The following SYT10 variants were observed in gnomAD, a reference collection of about 807,000 sequenced individuals.
SYT10 encodes synaptotagmin 10, also known as synaptotagmin-10.
SYT10 carries 31 observed loss-of-function variants against 51.1 expected under a neutral mutation model. That is an observed-to-expected ratio of 0.61 (90% CI 0.46 to 0.82). The LOEUF is 0.82. SYT10 is among the 40% of genes least tolerant of loss of function. The pLI, the probability that SYT10 is intolerant of heterozygous loss-of-function variation, is 0.00. For missense variants in SYT10, 603 were observed against 634.0 expected, an observed-to-expected ratio of 0.95 and a Z score of 0.53; for synonymous variants, 233 against 225.9, an observed-to-expected ratio of 1.03 and a Z score of -0.28.
intron 1 of SYT10, among the ~76,000 whole-genome samples, chr12:33,434,941 C>T (rs959503010): frequency 1.3e-5 from 2 of 152,092 alleles, no homozygotes; most frequent in Non-Finnish European, 2.9e-5. Context: ...ATGTGTACAA[C>T]GTTAGTGGAA....
intron 2 of SYT10, among the ~76,000 whole-genome samples, chr12:33,416,015 A>G (rs910742523): frequency 2.6e-5 from 4 of 152,036 alleles, no homozygotes; most frequent in Non-Finnish European, 5.9e-5. Flanking sequence ...CATGGCCCTT[A>G]TTCCACCAGC....
chr12:33,382,265 G>C, intron 5 of SYT10, 84 bp downstream of exon 5: 1 of 1,176,472 alleles, frequency 8.5e-7, no homozygotes, highest in Non-Finnish European at 1.1e-6. Context: ...AAACTGTTGT[G>C]GCAGTAAATG....
intron 1 of SYT10, among the ~76,000 whole-genome samples, chr12:33,433,169 G>T (rs909045610): frequency 6.6e-6 from 1 of 152,118 alleles, no homozygotes; most frequent in African/African-American, 2.4e-5. Flanking sequence ...ACCAACAGAG[G>T]AAATTGGCAT....
chr12:33,439,381 T>C lies in SYT10; in HGVS notation c.142A>G (p.Ser48Gly). 6.2e-7 allele frequency: 1 copy of C among 1,613,450 alleles called. No homozygotes were observed. Among genetic ancestry groups the C allele is most frequent in the Non-Finnish European group, 8.5e-7 (1 of 1,179,854 alleles). Reference protein sequence around the residue: ...FPRDRGSQGGSSTDISVSLLA... With the variant: ...FPRDRGSQGGGSTDISVSLLA... Reference sequence around the variant, plus strand: ...GAGCCCTCCCGGTTACCTGTGCTGCTTCCGCCCTGGCTGCCCCTGTCCCGA... The same window carrying C: ...GAGCCCTCCCGGTTACCTGTGCTGCCTCCGCCCTGGCTGCCCCTGTCCCGA... Residue 48 changes from serine to glycine, a missense_variant, in exon 1 of 7, where the codon AGC becomes GGC. Ser to Gly is a moderately conservative substitution (Grantham distance 56). Coordinates refer to ENST00000228567, the MANE Select transcript of SYT10 (RefSeq NM_198992.4).
chr12:33,432,134 T>C (rs1204371978), intron 1 of SYT10, among the ~76,000 whole-genome samples: 1 of 152,116 alleles, frequency 6.6e-6, no homozygotes, highest in African/African-American at 2.4e-5. Context: ...TCTTTAAAAG[T>C]CTAAGTTTTA....
chr12:33,439,321 G>T lies in SYT10; in HGVS notation c.151+51C>A, dbSNP rs760568546. Reference sequence around the variant, plus strand: ...AGAACCCCGGAGCTTGCAGCCTAGCGCGCGGGGTCCCAGCGGAGCGCGAGG... The same window carrying T: ...AGAACCCCGGAGCTTGCAGCCTAGCTCGCGGGGTCCCAGCGGAGCGCGAGG... On this transcript the variant is annotated intron_variant, in intron 1 of 6. Transcript: ENST00000228567. 1.3e-5 allele frequency: 21 copies of T among 1,571,762 alleles called. No individual in the cohort carries two copies. The Admixed American group carries it at 3.8e-4, about 28-fold the overall frequency.
At position 33,376,632 on chromosome 12, in the gene SYT10, G is replaced by T. The variant is rs113367840; in HGVS notation, c.*198C>A. ...GGATAAAATGCCTTATGCAACTAAG[G>T]ACTATATGTATTCAAGTAAAATGTA... On this transcript the variant is annotated 3_prime_UTR_variant, in exon 7 of 7. Transcript: ENST00000228567. The T allele has an allele frequency of 3.3e-6, 2 of 600,514 alleles. No individual in the cohort carries two copies. Among genetic ancestry groups the T allele is most frequent in the Non-Finnish European group, 5.8e-6 (2 of 343,658 alleles). The allele number at this position is 600,514 out of a possible 1,614,324, so 37.2% of individuals were successfully genotyped here. A position where few individuals can be genotyped will look rare whatever the true frequency, so the allele number is the denominator to read the frequency against.
chr12:33,433,609 AT>A (rs1304292049), intron 1 of SYT10, among the ~76,000 whole-genome samples: 1 of 152,214 alleles, frequency 6.6e-6, no homozygotes, highest in Non-Finnish European at 1.5e-5. Context: ...TTGGCCAAGA[AT>A]ATGTAAACAC....
Position 33,407,012 on chromosome 12 carries a change from G to C in SYT10, c.854C>G (p.Thr285Ser). The change falls in exon 3 of 7, where the codon ACC becomes AGC. Residue 285 changes from threonine to serine, a missense_variant. Thr to Ser is a moderately conservative substitution (Grantham distance 58). Transcript: ENST00000228567. ...ATTTAAAGTCTTTCTGTGCACGCGG[G>C]TCTGAAATTTCTTTTTCCTATCTGG... ...LLPDRKKKFQ[T>S]RVHRKTLNPL... is the part of the protein sequence containing the mutation. The C allele has an allele frequency of 6.2e-7, 1 of 1,614,100 alleles. No homozygotes were observed. Among genetic ancestry groups the C allele is most frequent in the Non-Finnish European group, 8.5e-7 (1 of 1,180,004 alleles).
At chr12:33,436,611 T>C (rs943711913) in intron 1 of SYT10, among the ~76,000 whole-genome samples, 3 of 152,160 alleles carry the variant, frequency 2.0e-5, no homozygotes, top group Admixed American at 6.5e-5. Context: ...ACTGCTGATA[T>C]GGTAAAAATA....
chr12:33,401,776 A>G (rs1050650309), intron 3 of SYT10, among the ~76,000 whole-genome samples: 10 of 151,952 alleles, frequency 6.6e-5, no homozygotes, highest in Admixed American at 2.0e-4. Context: ...GTAGTGGTAG[A>G]TCTGTATTTA....
chr12:33,438,341 A>G (rs1233072811), intron 1 of SYT10, among the ~76,000 whole-genome samples: 2 of 152,144 alleles, frequency 1.3e-5, no homozygotes, highest in Admixed American at 6.5e-5. Flanking sequence ...AAAATCCCCA[A>G]AGCAGTGTTT....
At chr12:33,409,068 T>A (rs777457910) in intron 2 of SYT10, among the ~76,000 whole-genome samples, 31 of 152,018 alleles carry the variant, frequency 2.0e-4, no homozygotes, top group Admixed American at 3.3e-4. Context: ...TTATACTTAA[T>A]ACCCAGTCAG....
chr12:33,437,838 A>G (rs1448581848), intron 1 of SYT10, among the ~76,000 whole-genome samples: 1 of 152,114 alleles, frequency 6.6e-6, no homozygotes, highest in East Asian at 1.9e-4. Flanking sequence ...CACAGAATAC[A>G]ACATGCTCAC....
At chr12:33,439,257 G>A (rs1866663427) in intron 1 of SYT10, 115 bp downstream of exon 1, 2 of 1,341,050 alleles carry the variant, frequency 1.5e-6, no homozygotes. Context: ...AGGAAAGCGT[G>A]GCGCCCCAAA....
At chr12:33,422,506 A>G (rs1233110792) in intron 2 of SYT10, among the ~76,000 whole-genome samples, 1 of 152,022 alleles carries the variant, frequency 6.6e-6, no homozygotes, top group Non-Finnish European at 1.5e-5. Flanking sequence ...TTTTTTTTTG[A>G]CAAGAGAGAC....
chr12:33,389,181 G>C (rs1447824076), intron 3 of SYT10, among the ~76,000 whole-genome samples: 2 of 152,256 alleles, frequency 1.3e-5, no homozygotes, highest in South Asian at 4.1e-4. Context: ...AGGAGAGTTA[G>C]GCTTGATGTA....
intron 2 of SYT10, among the ~76,000 whole-genome samples, chr12:33,415,264 T>G (rs574159309): frequency 6.6e-6 from 1 of 152,188 alleles, no homozygotes; most frequent in Non-Finnish European, 1.5e-5. Context: ...CTTTCCCAAT[T>G]ATCACTTTTC....
intron 2 of SYT10, among the ~76,000 whole-genome samples, chr12:33,425,544 C>G (rs1205935873): frequency 6.6e-6 from 1 of 152,064 alleles, no homozygotes; most frequent in Non-Finnish European, 1.5e-5. Context: ...TCCATATGCC[C>G]ATGATATTTG....
Sources: gnomAD v4.1 joint callset for allele counts (sites outside exome capture counted in the v4.1 genomes callset) on GRCh38, gnomAD v4.1.1 for gene constraint, MANE v1.5 for transcripts, NCBI Gene and HGNC (gene_info 2026-07-23, HGNC 2026-07-21) for gene names.